The following TMPRSS9 variants were observed in gnomAD, a reference collection of about 807,000 sequenced individuals.
TMPRSS9 encodes the protein transmembrane protease serine 9.
A neutral mutation model predicts 111.4 loss-of-function variants in TMPRSS9; 113 were observed. The ratio of observed to expected loss-of-function variants is 1.01; its 90% confidence interval spans 0.87 to 1.19. The LOEUF (loss-of-function observed/expected upper bound fraction) is 1.19. Among genes scored for constraint, TMPRSS9 ranks in the 50% most tolerant of loss-of-function variants. TMPRSS9 has a pLI of 0.00. For synonymous variants in TMPRSS9, 805 were observed against 659.1 expected, an observed-to-expected ratio of 1.22 and a Z score of -3.39; for missense variants, 1,803 against 1,513.1, an observed-to-expected ratio of 1.19 and a Z score of -3.18.
At chr19:2,419,522 C>T (rs1568191181) in intron 13 of TMPRSS9, among the ~76,000 whole-genome samples, 2 of 131,444 alleles carry the variant, frequency 1.5e-5, no homozygotes, top group Admixed American at 7.7e-5. Flanking sequence ...TTTCTTTTTC[C>T]TTTTTTTTTT....
At chr19:2,421,343 C>T (rs1280473950) in intron 13 of TMPRSS9, among the ~76,000 whole-genome samples, 1 of 151,242 alleles carries the variant, frequency 6.6e-6, no homozygotes, top group Non-Finnish European at 1.5e-5. Context: ...GGCTGGAGTG[C>T]AGTGGTGCGA....
chr19:2,403,133 A>C, exon 6 of TMPRSS9: 1 of 1,612,744 alleles, frequency 6.2e-7, no homozygotes. Context: ...TGTGTGACCA[A>C]GGTGAACCCG....
chr19:2,385,188 CGGGGGCGGGGCTCGA>C (rs745748101), upstream of TMPRSS9, among the ~76,000 whole-genome samples: 4,838 of 24,820 alleles, frequency 0.19, 238 homozygotes, highest in East Asian at 0.31. Context: ...GCGGGGCTCG[CGGGGGCGGGGCTCGA>C]GGGGGCGGGG....
At chr19:2,409,292 C>G (rs1399412691) in intron 8 of TMPRSS9, among the ~76,000 whole-genome samples, 1 of 151,458 alleles carries the variant, frequency 6.6e-6, no homozygotes, top group African/African-American at 2.4e-5. Context: ...GCATGCACCA[C>G]CACACCCGGC....
chr19:2,367,942 C>G (rs564301692), intron 1 of TMPRSS9, among the ~76,000 whole-genome samples: 1 of 151,572 alleles, frequency 6.6e-6, no homozygotes, highest in East Asian at 2.0e-4. Flanking sequence ...AACTCTGGAT[C>G]TCAAGTGATC....
At chr19:2,425,708 A>G (rs1025327131) in intron 17 of TMPRSS9, 3 of 1,189,458 alleles carry the variant, frequency 2.5e-6, no homozygotes, top group Non-Finnish European at 3.4e-6. Flanking sequence ...TCGGCGGCAG[A>G]GCAGGCAGAG....
intron 4 of TMPRSS9, among the ~76,000 whole-genome samples, chr19:2,401,139 T>C (rs12978526): frequency 0.24 from 35,757 of 151,550 alleles, 4,901 homozygotes; most frequent in Admixed American, 0.36. Context: ...CCGGGCGTGG[T>C]GGCGGGCGCC....
exon 4 of TMPRSS9, chr19:2,399,162 C>T: frequency 1.2e-6 from 2 of 1,610,318 alleles, no homozygotes; most frequent in Non-Finnish European, 8.5e-7. Context: ...CCCTGGCTGC[C>T]TATGGCACAA....
chr19:2,421,948 A>AGG lies in TMPRSS9; in HGVS notation c.2250_2251insGG (p.Lys751GlyfsTer12). ...TGGGGTATTGGCTGCGCTCAGGTTAAGAAGCCGGGCGTGTACACGCGCATC... is the reference window on the plus strand; with the variant it reads ...TGGGGTATTGGCTGCGCTCAGGTTAAGGGAAGCCGGGCGTGTACACGCGCATC... On this transcript the variant is annotated frameshift_variant, in exon 14 of 18. Transcript: ENST00000648592. LOFTEE classifies it high-confidence loss of function. 1 of 1,613,194 alleles carries AGG rather than the reference A, an allele frequency of 6.2e-7. No individual in the cohort carries two copies. Among genetic ancestry groups the AGG allele is most frequent in the South Asian group, 1.1e-5 (1 of 91,088 alleles).
At chr19:2,395,469 T>G (rs1970686712) in intron 1 of TMPRSS9, among the ~76,000 whole-genome samples, 1 of 150,106 alleles carries the variant, frequency 6.7e-6, no homozygotes, top group Non-Finnish European at 1.5e-5. Flanking sequence ...CTCATGCCTG[T>G]TAATCCCAGT....
upstream of TMPRSS9, chr19:2,389,640 T>G: frequency 1.1e-6 from 1 of 936,844 alleles, no homozygotes; most frequent in Non-Finnish European, 1.5e-6. Context: ...AGTGCTGGGA[T>G]GACAGGCGTG....
chr19:2,409,674 T>C (rs1971054354), intron 8 of TMPRSS9, among the ~76,000 whole-genome samples: 1 of 151,680 alleles, frequency 6.6e-6, no homozygotes, highest in Admixed American at 6.6e-5. Context: ...GTCAGGCAAA[T>C]TCTGCAGGGA....
At chr19:2,417,327 G>A (rs1018621910) in intron 12 of TMPRSS9, among the ~76,000 whole-genome samples, 2 of 152,046 alleles carry the variant, frequency 1.3e-5, no homozygotes, top group South Asian at 2.1e-4. Flanking sequence ...TTAGCCGGGT[G>A]TGGTGATGCA....
At chr19:2,383,279 G>C (rs1274682174) in intron 1 of TMPRSS9, among the ~76,000 whole-genome samples, 1 of 151,872 alleles carries the variant, frequency 6.6e-6, no homozygotes, top group Non-Finnish European at 1.5e-5. Context: ...GCTTGAACCT[G>C]GGAGGCAGAG....
chr19:2,404,393 A>T (rs1021198703), intron 6 of TMPRSS9, among the ~76,000 whole-genome samples: 1 of 152,064 alleles, frequency 6.6e-6, no homozygotes, highest in African/African-American at 2.4e-5. Flanking sequence ...TATTTAGAAT[A>T]AAGGCTGGGT....
chr19:2,425,659 C>G (rs766997202), intron 17 of TMPRSS9, 166 bp downstream of exon 18: 68 of 1,328,716 alleles, frequency 5.1e-5, no homozygotes, highest in Non-Finnish European at 6.2e-5. Context: ...CACTCCACAG[C>G]CGTTTATTGG....
chr19:2,386,963 G>C (rs755886094), upstream of TMPRSS9, among the ~76,000 whole-genome samples: 2 of 152,212 alleles, frequency 1.3e-5, no homozygotes, highest in Non-Finnish European at 2.9e-5. Context: ...CAGTGCACCT[G>C]TGGTCCCAGC....
At chr19:2,418,106 G>A in exon 13 of TMPRSS9, 1 of 1,612,158 alleles carries the variant, frequency 6.2e-7, no homozygotes, top group South Asian at 1.1e-5. Flanking sequence ...GATCTGCGCA[G>A]GCTTCCTGGA....
intron 1 of TMPRSS9, among the ~76,000 whole-genome samples, chr19:2,368,773 A>ATTTTTTTTTTTT (rs1970265819): frequency 5.0e-5 from 3 of 60,230 alleles, no homozygotes; most frequent in East Asian, 5.3e-4. Flanking sequence ...GGATAAACCC[A>ATTTTTTTTTTTT]GTTTTTTTTT....
Sources: allele counts gnomAD v4.1 joint callset (sites outside exome capture counted in the v4.1 genomes callset), GRCh38; gene constraint gnomAD v4.1.1; transcripts MANE v1.5; gene names NCBI Gene and HGNC (gene_info 2026-07-23, HGNC 2026-07-21).